CCDC91: variants seen among roughly 807,000 people sequenced by gnomAD.
CCDC91 encodes the protein coiled-coil domain-containing protein 91.
CCDC91 carries 48 observed loss-of-function variants against 63.2 expected under a neutral mutation model. That is an observed-to-expected ratio of 0.76 (90% CI 0.60 to 0.97). The LOEUF (loss-of-function observed/expected upper bound fraction) is 0.97. CCDC91 is among the 50% of genes least tolerant of loss of function. The probability of loss-of-function intolerance (pLI) is 0.00; values close to 1 mark genes in which losing one functional copy is unlikely to be tolerated. For synonymous variants in CCDC91, 167 were observed against 165.8 expected (o/e 1.01, Z -0.06); for missense variants, 500 against 494.6 (o/e 1.01, Z -0.10).
At chr12:28,477,545 G>T (rs1174885565) in intron 11 of CCDC91, among the ~76,000 whole-genome samples, 1 of 152,108 alleles carries the variant, frequency 6.6e-6, no homozygotes, top group Non-Finnish European at 1.5e-5. Context: ...CATTCCATTT[G>T]AAAACTGGCA....
chr12:28,242,815 TC>T (rs1441878408), intron 1 of CCDC91, among the ~76,000 whole-genome samples: 1 of 152,072 alleles, frequency 6.6e-6, no homozygotes, highest in Non-Finnish European at 1.5e-5. Context: ...TTTAGCACCA[TC>T]CCCTCTGTGT....
chr12:28,381,522 G>A (rs1427341173), intron 7 of CCDC91, among the ~76,000 whole-genome samples: 3 of 152,062 alleles, frequency 2.0e-5, no homozygotes, highest in African/African-American at 7.2e-5. Flanking sequence ...TTCCAGAGAT[G>A]GGATAATATG....
intron 8 of CCDC91, among the ~76,000 whole-genome samples, chr12:28,444,323 A>G (rs2140258585): frequency 1.3e-5 from 2 of 152,302 alleles, no homozygotes; most frequent in South Asian, 4.1e-4. Context: ...CCACTGAACA[A>G]TTCGTATTTC....
chr12:28,201,678 G>C (rs878881935), intron 1 of CCDC91, among the ~76,000 whole-genome samples: 1 of 145,008 alleles, frequency 6.9e-6, no homozygotes, highest in African/African-American at 2.5e-5. Flanking sequence ...AAGGCAGGCG[G>C]CTGGGAGGTG....
intron 3 of CCDC91, among the ~76,000 whole-genome samples, chr12:28,295,504 A>C (rs1396294152): frequency 1.3e-5 from 2 of 152,070 alleles, no homozygotes; most frequent in Non-Finnish European, 2.9e-5. Flanking sequence ...ACATCTGACA[A>C]CTAAGTACTT....
At chr12:28,357,261 A>G (rs915837342) in intron 6 of CCDC91, among the ~76,000 whole-genome samples, 1 of 152,122 alleles carries the variant, frequency 6.6e-6, no homozygotes, top group African/African-American at 2.4e-5. Flanking sequence ...CATCATGTCC[A>G]GGCATATTAA....
At chr12:28,285,475 G>A (rs1453421223) in intron 3 of CCDC91, among the ~76,000 whole-genome samples, 3 of 151,802 alleles carry the variant, frequency 2.0e-5, no homozygotes, top group South Asian at 2.1e-4. Flanking sequence ...CTCCCTACAT[G>A]CAGAACAAAT....
rs1340452080 is a variant in CCDC91 at position 28,267,971 on chromosome 12, A to ATT, written c.109+8529_109+8530insTT. Among the ~76,000 whole-genome samples, 6 of 112,708 alleles carry ATT rather than the reference A, an allele frequency of 5.3e-5. No individual in the cohort carries two copies. In the South Asian group the frequency reaches 9.5e-4, roughly 18 times the overall value. The allele number at this position is 112,708 out of a possible 152,430, so 73.9% of individuals were successfully genotyped here. ...TTATTATATATAATTATATATAATTAATATATACCCAATCTTAATTATATA... is the reference window on the plus strand; with the variant it reads ...TTATTATATATAATTATATATAATTATTATATATACCCAATCTTAATTATATA... On this transcript the variant is annotated intron_variant, in intron 3 of 12. Transcript: ENST00000536442.
intron 12 of CCDC91, among the ~76,000 whole-genome samples, chr12:28,513,405 A>T (rs1342042147): frequency 3.3e-5 from 5 of 151,872 alleles, no homozygotes; most frequent in Non-Finnish European, 5.9e-5. Context: ...TGAAAATTTG[A>T]AGTCCAGAAT....
intron 12 of CCDC91, among the ~76,000 whole-genome samples, chr12:28,489,097 G>A (rs529090110): frequency 6.6e-6 from 1 of 151,922 alleles, no homozygotes; most frequent in Non-Finnish European, 1.5e-5. Flanking sequence ...CTTTAAAGAA[G>A]AATGTTTACC....
intron 8 of CCDC91, among the ~76,000 whole-genome samples, chr12:28,435,727 A>G (rs1015327631): frequency 2.0e-5 from 3 of 151,788 alleles, no homozygotes; most frequent in Non-Finnish European, 4.4e-5. Context: ...CAACTATAAT[A>G]GTGGACTTAT....
At chr12:28,263,873 C>T (rs1488509539) in intron 3 of CCDC91, among the ~76,000 whole-genome samples, 2 of 151,832 alleles carry the variant, frequency 1.3e-5, no homozygotes, top group Non-Finnish European at 2.9e-5. Context: ...ATTTTTAATT[C>T]TTTGGGGATA....
rs142730566 is a variant in CCDC91, at chr12:28,332,754, G to A, written c.576+25005G>A. On this transcript the variant is annotated intron_variant, in intron 6 of 12. Coordinates refer to ENST00000536442, the MANE Select transcript of CCDC91 (RefSeq NM_018318.5). ...ACAACCTTGTTTTATGTGTGTTTCT[G>A]TGGAAATCCCCTTATTAGATATTCC... 4.7e-4 allele frequency among the ~76,000 whole-genome samples: 71 copies of A among 152,158 alleles called. 1 individual carries two copies. The highest frequency in any genetic ancestry group is 1.6e-3 in the African/African-American group (66 of 41,528).
chr12:28,406,131 G>A (rs1408475807), intron 8 of CCDC91, among the ~76,000 whole-genome samples: 3 of 152,108 alleles, frequency 2.0e-5, no homozygotes, highest in African/African-American at 4.8e-5. Flanking sequence ...AGGATGTGCA[G>A]GTTTGTTACA....
At chr12:28,490,065 A>T (rs1951917249) in intron 12 of CCDC91, among the ~76,000 whole-genome samples, 1 of 151,852 alleles carries the variant, frequency 6.6e-6, no homozygotes, top group South Asian at 2.1e-4. Flanking sequence ...TTCTTGATAT[A>T]AATCAGTTGC....
intron 6 of CCDC91, among the ~76,000 whole-genome samples, chr12:28,358,264 A>G (rs566874875): frequency 6.6e-6 from 1 of 152,334 alleles, no homozygotes; most frequent in African/African-American, 2.4e-5. Context: ...TTCAACAGAC[A>G]TCTACTTGAA....
intron 8 of CCDC91, among the ~76,000 whole-genome samples, chr12:28,441,074 A>AG: frequency 3.7e-5 from 1 of 27,194 alleles, no homozygotes; most frequent in Non-Finnish European, 8.3e-5. Context: ...AAAAAAAAAA[A>AG]AAAAAAAAAA....
chr12:28,225,770 C>G (rs1944233837), intron 1 of CCDC91: 1 of 152,204 alleles, frequency 6.6e-6, no homozygotes, highest in African/African-American at 2.4e-5. Context: ...CACTACCTTT[C>G]TAACAGATCC....
At chr12:28,350,038 CTTCT>C (rs1423299590) in intron 6 of CCDC91, among the ~76,000 whole-genome samples, 1 of 152,180 alleles carries the variant, frequency 6.6e-6, no homozygotes, top group Non-Finnish European at 1.5e-5. Context: ...TTTCACACTG[CTTCT>C]TTAAGATTGT....
Sources: allele counts gnomAD v4.1 joint callset (sites outside exome capture counted in the v4.1 genomes callset), GRCh38; gene constraint gnomAD v4.1.1; transcripts MANE v1.5; gene names NCBI Gene and HGNC (gene_info 2026-07-23, HGNC 2026-07-21).